TYW1: variants seen among roughly 807,000 people sequenced by gnomAD.
TYW1 encodes tRNA-yW synthesizing protein 1 homolog, also known as S-adenosyl-L-methionine-dependent tRNA 4-demethylwyosine synthase TYW1.
TYW1 carries 46 observed loss-of-function variants against 96.2 expected under a neutral mutation model. The observed-to-expected ratio is 0.48, with a 90% CI of 0.38 to 0.61. The LOEUF is 0.61. TYW1 is among the 20% of genes least tolerant of loss of function. TYW1 has a pLI of 0.00. For missense variants in TYW1, 684 were observed against 909.6 expected, an observed-to-expected ratio of 0.75 and a Z score of 3.19; for synonymous variants, 274 against 323.0, an observed-to-expected ratio of 0.85 and a Z score of 1.63.
chr7:67,057,365 A>AT (rs1795553547), intron 9 of TYW1, among the ~76,000 whole-genome samples: 2 of 137,760 alleles, frequency 1.5e-5, no homozygotes, highest in African/African-American at 5.4e-5. Flanking sequence ...GATTGGGAAC[A>AT]TTTTTTTTGT....
chr7:67,009,379 T>G (rs1793711642), intron 3 of TYW1, among the ~76,000 whole-genome samples: 1 of 152,098 alleles, frequency 6.6e-6, no homozygotes, highest in Non-Finnish European at 1.5e-5. Flanking sequence ...CCTGATCGGG[T>G]GAGAACAACA....
intron 12 of TYW1, among the ~76,000 whole-genome samples, chr7:67,102,581 A>T (rs1207594043): frequency 3.3e-5 from 5 of 152,202 alleles, no homozygotes; most frequent in Non-Finnish European, 5.9e-5. Context: ...AGAGTTTAAA[A>T]AGTGGATGGG....
intron 11 of TYW1, among the ~76,000 whole-genome samples, chr7:67,090,234 CAAGTG>C (rs1796672129): frequency 6.6e-6 from 1 of 152,056 alleles, no homozygotes; most frequent in Non-Finnish European, 1.5e-5. Flanking sequence ...TGAAAAACCT[CAAGTG>C]GAGTATCTAT....
At chr7:67,036,628 C>T (rs1794850840) in intron 7 of TYW1, among the ~76,000 whole-genome samples, 1 of 152,224 alleles carries the variant, frequency 6.6e-6, no homozygotes, top group Non-Finnish European at 1.5e-5. Flanking sequence ...GCTGGAGTCA[C>T]TCACTGGAGG....
At chr7:67,009,525 T>C (rs1362639683) in intron 3 of TYW1, 58 bp from the exon 4 acceptor site, 17 of 1,490,390 alleles carry the variant, frequency 1.1e-5, no homozygotes, top group Non-Finnish European at 1.6e-5. Context: ...ACAGGGGTAA[T>C]GAGGGTTATA....
At position 67,185,491 on chromosome 7, in the gene TYW1, A is replaced by G. The variant is rs3980787; in HGVS notation, c.1809+2255A>G. Among the ~76,000 whole-genome samples the G allele has an allele frequency of 4.6e-5, 7 of 152,300 alleles. No homozygotes were observed. The East Asian group carries it at 9.7e-4, about 21-fold the overall frequency. Reference sequence around the variant, plus strand: ...TAGAACCAATAAAACATTTTGCTAGATTATAGGTACGGGCTGAAAGAAAAA... The same window carrying G: ...TAGAACCAATAAAACATTTTGCTAGGTTATAGGTACGGGCTGAAAGAAAAA... On this transcript the variant is annotated intron_variant, in intron 14 of 15. Coordinates refer to ENST00000359626, the MANE Select transcript of TYW1 (RefSeq NM_018264.4).
intron 7 of TYW1, among the ~76,000 whole-genome samples, chr7:67,025,957 T>G (rs1167549819): frequency 6.6e-6 from 1 of 152,124 alleles, no homozygotes; most frequent in Admixed American, 6.5e-5. Flanking sequence ...GATATCATAA[T>G]GTAGAAAGTC....
chr7:67,136,359 C>A (rs1798254380), intron 13 of TYW1, among the ~76,000 whole-genome samples: 1 of 152,106 alleles, frequency 6.6e-6, no homozygotes, highest in Admixed American at 6.5e-5. Flanking sequence ...TTAAGATTTT[C>A]ATGGGTTAGC....
intron 11 of TYW1, among the ~76,000 whole-genome samples, chr7:67,095,402 C>G (rs1219654898): frequency 3.3e-5 from 5 of 151,050 alleles, no homozygotes; most frequent in African/African-American, 7.3e-5. Context: ...AACCCTATGT[C>G]TTGGCTGGGC....
chr7:67,159,294 T>G (rs1326606175), intron 13 of TYW1, among the ~76,000 whole-genome samples: 1 of 152,204 alleles, frequency 6.6e-6, no homozygotes, highest in African/African-American at 2.4e-5. Context: ...GATCATTTAC[T>G]TAAATTCTGG....
At chr7:67,181,318 C>T (rs1799834064) in intron 13 of TYW1, among the ~76,000 whole-genome samples, 1 of 151,060 alleles carries the variant, frequency 6.6e-6, no homozygotes, top group South Asian at 2.1e-4. Context: ...CAGTTTTCTA[C>T]TATTTTTGTT....
Position 67,213,418 on chromosome 7 carries a change from A to G in TYW1, c.1977+18081A>G, listed in dbSNP as rs551969820. Among the ~76,000 whole-genome samples the G allele has an allele frequency of 4.6e-5, 7 of 152,302 alleles. No homozygotes were observed. The South Asian group carries it at 1.0e-3, about 23-fold the overall frequency. ...ATGGCTGAGTTTAAGAGTTCTTTAT[A>G]TATTTTGGATGCAAATTGTTTAGCA... On this transcript the variant is annotated intron_variant, in intron 15 of 15. Transcript: ENST00000359626.
intron 6 of TYW1, among the ~76,000 whole-genome samples, chr7:67,021,693 A>G (rs1195186815): frequency 6.6e-6 from 1 of 152,226 alleles, no homozygotes; most frequent in African/African-American, 2.4e-5. Context: ...ACTGGCTACC[A>G]TGAGTATATG....
intron 15 of TYW1, among the ~76,000 whole-genome samples, chr7:67,214,056 T>C (rs972462488): frequency 1.3e-5 from 2 of 152,208 alleles, no homozygotes; most frequent in Non-Finnish European, 2.9e-5. Context: ...AATCACTCTC[T>C]AGGATTTTGA....
At chr7:67,096,702 T>C (rs1320974972) in intron 11 of TYW1, among the ~76,000 whole-genome samples, 1 of 152,028 alleles carries the variant, frequency 6.6e-6, no homozygotes, top group African/African-American at 2.4e-5. Context: ...CAGTACCCAT[T>C]AGTTGTTTTT....
At chr7:67,163,889 G>A (rs4718463) in intron 13 of TYW1, among the ~76,000 whole-genome samples, 42,696 of 151,764 alleles carry the variant, frequency 0.28, 6,515 homozygotes, top group African/African-American at 0.4. Flanking sequence ...GGCTGGTCTC[G>A]AACTCCTGAC....
chr7:67,149,184 A>G (rs1369939147), intron 13 of TYW1, among the ~76,000 whole-genome samples: 1 of 152,242 alleles, frequency 6.6e-6, no homozygotes, highest in Non-Finnish European at 1.5e-5. Context: ...TTTTTATGAG[A>G]ATCATCATGT....
chr7:67,187,065 T>G (rs1294176905), intron 14 of TYW1, among the ~76,000 whole-genome samples: 1 of 79,338 alleles, frequency 1.3e-5, no homozygotes, highest in East Asian at 2.3e-4. Flanking sequence ...TTTTTTTTTT[T>G]TTTTTTTTTT....
At chr7:67,106,438 T>C (rs2690155) in intron 12 of TYW1, among the ~76,000 whole-genome samples, 50,672 of 151,894 alleles carry the variant, frequency 0.33, 8,983 homozygotes, top group African/African-American at 0.45. Flanking sequence ...ATTTCTTATA[T>C]ATAGCTCCAC....
Sources: allele counts gnomAD v4.1 joint callset (sites outside exome capture counted in the v4.1 genomes callset), GRCh38; gene constraint gnomAD v4.1.1; transcripts MANE v1.5; gene names NCBI Gene and HGNC (gene_info 2026-07-23, HGNC 2026-07-21).